IGFL2: variants seen among roughly 807,000 people sequenced by gnomAD.
IGFL2 encodes the protein insulin growth factor-like family member 2.
IGFL2 carries 7 observed loss-of-function variants against 13.9 expected under a neutral mutation model. The ratio of observed to expected loss-of-function variants is 0.51; its 90% CI spans 0.29 to 0.95. The LOEUF is 0.95. Among genes scored for constraint, IGFL2 ranks in the 40% least tolerant of loss-of-function variants. IGFL2 has a pLI of 0.08. For synonymous variants in IGFL2, 55 were observed against 55.8 expected (o/e 0.99, Z 0.07); for missense variants, 138 against 147.8 (o/e 0.93, Z 0.34).
the IGFL2 span, among the ~76,000 whole-genome samples, chr19:46,186,270 G>A: frequency 9.4e-4 from 143 of 152,310 alleles, 1 homozygote; most frequent in Middle Eastern, 0.01. Flanking sequence ...CCGCCGACCT[G>A]AAGACCCAGA....
the IGFL2 span, among the ~76,000 whole-genome samples, chr19:46,177,866 C>T: frequency 3.7e-4 from 57 of 152,182 alleles, no homozygotes; most frequent in Middle Eastern, 6.8e-3. Flanking sequence ...GCCAAGGTGA[C>T]CCAAGAGAAA....
At chr19:46,167,927 G>A in the IGFL2 span, among the ~76,000 whole-genome samples, 1 of 152,194 alleles carries the variant, frequency 6.6e-6, no homozygotes, top group East Asian at 1.9e-4. Flanking sequence ...AACCTCCAGA[G>A]TGTGAGAAAA....
At chr19:46,201,886 C>A in the IGFL2 span, among the ~76,000 whole-genome samples, 1 of 145,316 alleles carries the variant, frequency 6.9e-6, no homozygotes, top group Non-Finnish European at 1.6e-5. Context: ...TCAGCTCCAG[C>A]CACCTCTCTA....
the IGFL2 span, among the ~76,000 whole-genome samples, chr19:46,136,473 GA>G: frequency 1.1e-4 from 17 of 151,986 alleles, 1 homozygote; most frequent in South Asian, 4.2e-4. Context: ...AAGGAAAGGG[GA>G]AAAAATCACA....
At chr19:46,119,391 T>C in the IGFL2 span, among the ~76,000 whole-genome samples, 1 of 152,152 alleles carries the variant, frequency 6.6e-6, no homozygotes, top group Non-Finnish European at 1.5e-5. Context: ...TCTGAGAACC[T>C]GCCCACACAC....
chr19:46,127,000 A>C, the IGFL2 span, among the ~76,000 whole-genome samples: 3 of 152,236 alleles, frequency 2.0e-5, no homozygotes, highest in African/African-American at 7.2e-5. Flanking sequence ...TATGAGGATC[A>C]GATGAAGACA....
chr19:46,135,371 A>G, the IGFL2 span, among the ~76,000 whole-genome samples: 3 of 151,864 alleles, frequency 2.0e-5, no homozygotes, highest in Non-Finnish European at 4.4e-5. Context: ...TAGAGTCTGT[A>G]TTTCTCTATT....
downstream of IGFL2, among the ~76,000 whole-genome samples, chr19:46,166,076 G>A (rs1166209170): frequency 1.3e-5 from 2 of 152,182 alleles, no homozygotes; most frequent in Admixed American, 1.3e-4. Flanking sequence ...ATCTACTGGA[G>A]GAAGTTCTGT....
At chr19:46,123,843 C>A in the IGFL2 span, 1 of 1,558,854 alleles carries the variant, frequency 6.4e-7, no homozygotes, top group Non-Finnish European at 8.7e-7. Context: ...ATCCCTCATC[C>A]CTCCCTCATT....
chr19:46,141,231 A>G (rs1972843883), upstream of IGFL2, among the ~76,000 whole-genome samples: 1 of 152,206 alleles, frequency 6.6e-6, no homozygotes, highest in Admixed American at 6.5e-5. Flanking sequence ...CAGGCCAGCA[A>G]AAATGCAAGA....
the IGFL2 span, among the ~76,000 whole-genome samples, chr19:46,210,445 G>T: frequency 3.9e-5 from 6 of 152,148 alleles, no homozygotes; most frequent in Non-Finnish European, 8.8e-5. Context: ...GGGTTCTTTA[G>T]AGGGACACAA....
the IGFL2 span, among the ~76,000 whole-genome samples, chr19:46,081,530 T>TA: frequency 1.3e-5 from 2 of 152,224 alleles, no homozygotes; most frequent in Admixed American, 1.3e-4. Flanking sequence ...TGTGTTTCCT[T>TA]ACTCTCCTCT....
At chr19:46,081,486 A>G in the IGFL2 span, among the ~76,000 whole-genome samples, 917 of 152,242 alleles carry the variant, frequency 6.0e-3, 10 homozygotes, top group Non-Finnish European at 8.6e-3. Context: ...CTGGTCTAGG[A>G]TGCAATCCAG....
the IGFL2 span, among the ~76,000 whole-genome samples, chr19:46,092,366 C>T: frequency 6.6e-6 from 1 of 151,786 alleles, no homozygotes; most frequent in Non-Finnish European, 1.5e-5. Context: ...CACAGTGGCT[C>T]ACACCTGTAA....
At chr19:46,090,619 A>G in the IGFL2 span, among the ~76,000 whole-genome samples, 1 of 152,222 alleles carries the variant, frequency 6.6e-6, no homozygotes, top group Non-Finnish European at 1.5e-5. Flanking sequence ...GTACGTGATG[A>G]CAAGCACGTT....
chr19:46,148,845 C>T, intron 1 of IGFL2: 1 of 1,497,564 alleles, frequency 6.7e-7, no homozygotes, highest in Non-Finnish European at 8.9e-7. Flanking sequence ...GTGGTTGTGC[C>T]AGTTGACACT....
chr19:46,199,097 C>A, the IGFL2 span, among the ~76,000 whole-genome samples: 1 of 152,188 alleles, frequency 6.6e-6, no homozygotes, highest in Admixed American at 6.5e-5. Flanking sequence ...GCCTCCCCTT[C>A]CCAGAGGGGC....
chr19:46,201,021 T>C, the IGFL2 span, among the ~76,000 whole-genome samples: 2,228 of 152,248 alleles, frequency 0.015, 32 homozygotes, highest in Non-Finnish European at 0.021. Flanking sequence ...TACCACCCAA[T>C]AAAATGTTGC....
At chr19:46,169,050 T>G in the IGFL2 span, among the ~76,000 whole-genome samples, 6 of 152,084 alleles carry the variant, frequency 3.9e-5, no homozygotes, top group African/African-American at 1.4e-4. Context: ...CAAATTTTTC[T>G]TTTTTAATTA....
Sources: allele counts gnomAD v4.1 joint callset (sites outside exome capture counted in the v4.1 genomes callset), GRCh38; gene constraint gnomAD v4.1.1; transcripts MANE v1.5; gene names NCBI Gene and HGNC (gene_info 2026-07-23, HGNC 2026-07-21).